The following TLK2 variants were observed in gnomAD, a reference collection of about 807,000 sequenced individuals.
TLK2 encodes the protein serine/threonine-protein kinase tousled-like 2.
TLK2 carries 6 observed loss-of-function variants against 117.3 expected under a neutral mutation model. That is an observed-to-expected ratio of 0.05 (90% CI 0.03 to 0.10). The LOEUF (loss-of-function observed/expected upper bound fraction) is 0.10. Ranked by LOEUF, TLK2 falls within the 10% of genes least tolerant of loss-of-function variation. TLK2 has a pLI of 1.00. For missense variants in TLK2, 299 were observed against 901.2 expected, an observed-to-expected ratio of 0.33 and a Z score of 8.56; for synonymous variants, 257 against 316.7, an observed-to-expected ratio of 0.81 and a Z score of 2.00.
intron 21 of TLK2, among the ~76,000 whole-genome samples, chr17:62,611,538 C>T (rs760762537): frequency 5.9e-5 from 9 of 152,220 alleles, no homozygotes; most frequent in Non-Finnish European, 1.3e-4. Flanking sequence ...CCTGCCAGAG[C>T]AGTCCATTCG....
intron 20 of TLK2, among the ~76,000 whole-genome samples, chr17:62,607,012 CTTTTT>C (rs10680028): frequency 1.6e-5 from 2 of 123,566 alleles, no homozygotes; most frequent in African/African-American, 5.9e-5. Flanking sequence ...TCTCCTTGGT[CTTTTT>C]TTTTTTTTTT....
Position 62,471,671 on chromosome 17 carries a change from C to T in TLK2, c.-205+593C>T, listed in dbSNP as rs187120514. 2.0e-3 allele frequency among the ~76,000 whole-genome samples: 243 copies of T among 121,640 alleles called. 1 individual carries two copies. Among genetic ancestry groups the T allele is most frequent in the Admixed American group, 6.1e-3 (69 of 11,314 alleles). 79.8% of individuals were successfully genotyped at this position (121,640 alleles called of 152,430 possible). A position where few individuals can be genotyped will look rare whatever the true frequency, so the allele number is the denominator to read the frequency against. On this transcript the variant is annotated intron_variant, in intron 1 of 4. Transcript: ENST00000579450. ...ATCAGAAAGAGTTCTAAGCCAGCGT[C>T]GGCTCGGCCCGGCTCCTCTGCTGTC...
At chr17:62,573,184 T>C in intron 11 of TLK2, 31 bp from the exon 12 acceptor site, 1 of 1,586,062 alleles carries the variant, frequency 6.3e-7, no homozygotes, top group Non-Finnish European at 8.6e-7. Flanking sequence ...TTTGACTTTC[T>C]TTCTTTGTAC....
rs573896500 is a variant in TLK2, at chr17:62,558,672, A to G, written c.721-1344A>G. On this transcript the variant is annotated intron_variant, in intron 9 of 21. Transcript: ENST00000346027. The stretch of plus-strand genomic sequence containing the variant: ...TTGCTTCGTAGATTCTTTACTATGA[A>G]TTTGGTAATCACACTTACCCAAATG... Among the ~76,000 whole-genome samples the G allele has an allele frequency of 2.1e-4, 32 of 152,342 alleles. No homozygotes were observed. In the South Asian group the frequency reaches 5.4e-3, roughly 26 times the overall value.
chr17:62,603,644 C>G (rs1395326554), intron 19 of TLK2, among the ~76,000 whole-genome samples: 1 of 151,938 alleles, frequency 6.6e-6, no homozygotes, highest in African/African-American at 2.4e-5. Flanking sequence ...AGGGATTTTG[C>G]TTCAAAGTAG....
At chr17:62,525,452 T>C (rs1279905687) in intron 6 of TLK2, among the ~76,000 whole-genome samples, 1 of 48,160 alleles carries the variant, frequency 2.1e-5, no homozygotes, top group African/African-American at 7.1e-5. Context: ...ATATATGTAA[T>C]TTTTTTTTTT....
At chr17:62,606,006 C>CAAAA (rs71155942) in intron 19 of TLK2, 124 bp from the exon 20 acceptor site, 24 of 133,072 alleles carry the variant, frequency 1.8e-4, no homozygotes, top group African/African-American at 5.2e-4. Flanking sequence ...ACCCTGTCTC[C>CAAAA]AAAAAAAAAA....
chr17:62,490,618 T>A (rs138117729), intron 2 of TLK2, among the ~76,000 whole-genome samples: 4,741 of 152,316 alleles, frequency 0.031, 107 homozygotes, highest in Middle Eastern at 0.058. Context: ...CTCGGCTCAC[T>A]GCAACCTCCA....
chr17:62,603,077 A>G (rs1328335562), intron 19 of TLK2, among the ~76,000 whole-genome samples: 15 of 152,162 alleles, frequency 9.9e-5, no homozygotes. Flanking sequence ...GGGGCAACAC[A>G]TGTTATTTGT....
chr17:62,553,362 G>T, intron 8 of TLK2: 1 of 238,350 alleles, frequency 4.2e-6, no homozygotes, highest in Non-Finnish European at 8.2e-6. Flanking sequence ...TTCAAAGTTA[G>T]TTTCATTTCT....
At chr17:62,501,262 T>G (rs576915247) in intron 2 of TLK2, among the ~76,000 whole-genome samples, 4 of 152,130 alleles carry the variant, frequency 2.6e-5, no homozygotes, top group Non-Finnish European at 5.9e-5. Context: ...AAAATATTTG[T>G]AATTAAATGA....
At chr17:62,507,092 G>T (rs2074756860) in intron 2 of TLK2, among the ~76,000 whole-genome samples, 2 of 152,038 alleles carry the variant, frequency 1.3e-5, no homozygotes, top group Non-Finnish European at 2.9e-5. Context: ...TTTATTTACA[G>T]TGTTTTGTCA....
chr17:62,595,710 C>G (rs912373700), intron 16 of TLK2, among the ~76,000 whole-genome samples: 3 of 152,002 alleles, frequency 2.0e-5, no homozygotes, highest in African/African-American at 7.3e-5. Flanking sequence ...AACTGGGGTT[C>G]CATAATTTCA....
chr17:62,486,734 T>TGC (rs2072439379), intron 2 of TLK2, among the ~76,000 whole-genome samples: 1 of 152,252 alleles, frequency 6.6e-6, no homozygotes, highest in African/African-American at 2.4e-5. Flanking sequence ...TAATACTGTG[T>TGC]GCCAGGTACT....
intron 2 of TLK2, chr17:62,508,408 G>A: frequency 1.1e-6 from 1 of 946,096 alleles, no homozygotes; most frequent in Non-Finnish European, 1.3e-6. Context: ...ATGGTTTTAG[G>A]AAAACTAGAA....
At chr17:62,486,089 G>A (rs147441597) in intron 2 of TLK2, among the ~76,000 whole-genome samples, 1 of 149,910 alleles carries the variant, frequency 6.7e-6, no homozygotes, top group Non-Finnish European at 1.5e-5. Context: ...CAAAGTGCTG[G>A]GATTACAGGT....
chr17:62,608,554 T>C (rs2083481897), intron 21 of TLK2, among the ~76,000 whole-genome samples: 1 of 152,220 alleles, frequency 6.6e-6, no homozygotes, highest in Non-Finnish European at 1.5e-5. Context: ...AAGGCATTTG[T>C]ATTAGTCTGT....
intron 2 of TLK2, among the ~76,000 whole-genome samples, chr17:62,501,111 G>A (rs1167616359): frequency 1.3e-5 from 2 of 152,150 alleles, no homozygotes; most frequent in African/African-American, 4.8e-5. Flanking sequence ...GGTGGCAGGT[G>A]CCTGTAGTCC....
intron 2 of TLK2, among the ~76,000 whole-genome samples, chr17:62,491,503 T>C (rs1209890535): frequency 3.3e-5 from 5 of 152,226 alleles, no homozygotes; most frequent in Non-Finnish European, 7.3e-5. Context: ...ATGTTTCACT[T>C]GATCCTGGCT....
Sources: allele counts gnomAD v4.1 joint callset (sites outside exome capture counted in the v4.1 genomes callset), GRCh38; gene constraint gnomAD v4.1.1; transcripts MANE v1.5; gene names NCBI Gene and HGNC (gene_info 2026-07-23, HGNC 2026-07-21).